The following DLGAP2 variants were observed in gnomAD, a reference collection of about 807,000 sequenced individuals.
DLGAP2 encodes disks large-associated protein 2.
In DLGAP2, 26 loss-of-function variants were observed where a neutral mutation model predicts 100.3. The ratio of observed to expected loss-of-function variants is 0.26; its 90% CI spans 0.19 to 0.36. DLGAP2 has a LOEUF of 0.36. DLGAP2 is among the 10% of genes least tolerant of loss of function. The pLI, the probability that DLGAP2 is intolerant of heterozygous loss-of-function variation, is 1.00. For synonymous variants in DLGAP2, 886 were observed against 630.1 expected (o/e 1.41, Z -6.08); for missense variants, 1,858 against 1,453.2 (o/e 1.28, Z -4.53).
At chr8:1,690,108 G>C (rs1585067259) in intron 12 of DLGAP2, among the ~76,000 whole-genome samples, 1 of 152,142 alleles carries the variant, frequency 6.6e-6, no homozygotes, top group East Asian at 1.9e-4. Context: ...TGTAATCCTT[G>C]GCCTTGGGAG....
At chr8:1,632,786 C>G in intron 7 of DLGAP2, 41 bp from the exon 8 acceptor site, 12 of 1,552,898 alleles carry the variant, frequency 7.7e-6, no homozygotes, top group South Asian at 1.3e-5. Flanking sequence ...GATGGTGACC[C>G]TGGAGGGCCG....
At chr8:936,927 C>T (rs1047147912) in intron 2 of DLGAP2, among the ~76,000 whole-genome samples, 8 of 152,286 alleles carry the variant, frequency 5.3e-5, no homozygotes, top group Admixed American at 3.3e-4. Flanking sequence ...AAGCGCACTG[C>T]GTGACGTCAA....
At chr8:927,006 G>A (rs376467650) in intron 2 of DLGAP2, 19 of 985,140 alleles carry the variant, frequency 1.9e-5, no homozygotes, top group East Asian at 2.3e-4. Context: ...AGGACCCCCC[G>A]CCGAGAAAGA....
At chr8:1,002,043 T>A (rs1232701545) in intron 2 of DLGAP2, 1 of 152,254 alleles carries the variant, frequency 6.6e-6, no homozygotes, top group Non-Finnish European at 1.5e-5. Flanking sequence ...CTGTGCTACC[T>A]GTTTACATAG....
Position 1,390,270 on chromosome 8 carries a change from G to A in DLGAP2, c.107-111096G>A, listed in dbSNP as rs185114933. On this transcript the variant is annotated intron_variant, in intron 3 of 14. Transcript: ENST00000637795. ...TCTCATCTGGGCTTCTCCAGAAGGC[G>A]CAGAAATGTGTCTGTCACCTACACA... is the stretch of plus-strand genomic sequence containing the variant. Among the ~76,000 whole-genome samples, 295 of 152,272 alleles carry A rather than the reference G, an allele frequency of 1.9e-3. 2 individuals carry two copies. In the Middle Eastern group the frequency reaches 0.024, roughly 12 times the overall value.
chr8:791,941 A>G (rs931306128), intron 1 of DLGAP2, among the ~76,000 whole-genome samples: 1 of 152,156 alleles, frequency 6.6e-6, no homozygotes, highest in Non-Finnish European at 1.5e-5. Context: ...TGTGTTTCCT[A>G]AGAATGGGGA....
intron 3 of DLGAP2, among the ~76,000 whole-genome samples, chr8:1,484,766 C>T (rs1357027852): frequency 6.6e-6 from 1 of 152,194 alleles, no homozygotes; most frequent in Non-Finnish European, 1.5e-5. Flanking sequence ...ATCTGAGGGA[C>T]AGAGGTGGTA....
At chr8:908,330 C>T (rs969947849) in intron 2 of DLGAP2, among the ~76,000 whole-genome samples, 29 of 152,112 alleles carry the variant, frequency 1.9e-4, no homozygotes, top group Non-Finnish European at 3.7e-4. Context: ...TTCTTATTGG[C>T]TAGAGAGAAA....
intron 3 of DLGAP2, among the ~76,000 whole-genome samples, chr8:1,279,003 A>T (rs972125503): frequency 6.6e-6 from 1 of 152,258 alleles, no homozygotes; most frequent in Non-Finnish European, 1.5e-5. Flanking sequence ...TATAGAAAAT[A>T]TAAAGAACAT....
chr8:1,300,800 C>A (rs965868170), intron 3 of DLGAP2: 1 of 152,252 alleles, frequency 6.6e-6, no homozygotes, highest in Non-Finnish European at 1.5e-5. Context: ...CCCCTAAAAC[C>A]ACGGTGTGTG....
chr8:1,185,207 T>C (rs1462525581), intron 2 of DLGAP2, among the ~76,000 whole-genome samples: 1 of 152,138 alleles, frequency 6.6e-6, no homozygotes, highest in Non-Finnish European at 1.5e-5. Context: ...TCTCCAGGGC[T>C]CCACAGAAAG....
intron 2 of DLGAP2, among the ~76,000 whole-genome samples, chr8:1,252,956 T>C (rs1283749276): frequency 1.3e-5 from 2 of 152,182 alleles, no homozygotes; most frequent in Non-Finnish European, 2.9e-5. Context: ...ATTAGTGCAA[T>C]TGTCACAGCA....
At chr8:1,423,417 C>T (rs1002634) in intron 3 of DLGAP2, among the ~76,000 whole-genome samples, 2 of 152,208 alleles carry the variant, frequency 1.3e-5, no homozygotes, top group Non-Finnish European at 2.9e-5. Context: ...CCCACCACAT[C>T]CCATAGCCCA....
Position 1,565,962 on chromosome 8 carries a change from C to T in DLGAP2, c.1442+68C>T, listed in dbSNP as rs918709248. ...CTGCCTGCGAGCTCCCTCTCCAAAA[C>T]CACTTCACCGTGAGCTGAGTGCCAT... On this transcript the variant is annotated intron_variant, in intron 6 of 14. Transcript: ENST00000637795. The T allele has an allele frequency of 5.8e-6, 8 of 1,390,726 alleles. No homozygotes were observed. The African/African-American group carries it at 7.2e-5, about 13-fold the overall frequency. The allele number at this position is 1,390,726 out of a possible 1,614,324, so 86.1% of individuals were successfully genotyped here.
intron 2 of DLGAP2, among the ~76,000 whole-genome samples, chr8:1,254,150 T>C (rs1362519268): frequency 6.6e-6 from 1 of 152,148 alleles, no homozygotes; most frequent in Non-Finnish European, 1.5e-5. Flanking sequence ...CGCTGAGGGC[T>C]GGTCACAGAT....
At chr8:839,971 T>C (rs1250056264) in intron 1 of DLGAP2, among the ~76,000 whole-genome samples, 2 of 151,228 alleles carry the variant, frequency 1.3e-5, no homozygotes, top group African/African-American at 4.9e-5. Context: ...CTCTGGATTG[T>C]GTGAGCGCGT....
chr8:796,240 C>T (rs1393472332), intron 1 of DLGAP2, among the ~76,000 whole-genome samples: 3 of 152,164 alleles, frequency 2.0e-5, no homozygotes, highest in Non-Finnish European at 4.4e-5. Context: ...GAATTCACGA[C>T]CGGGCTCCCC....
At chr8:1,160,362 G>A (rs546927777) in intron 2 of DLGAP2, among the ~76,000 whole-genome samples, 4 of 152,106 alleles carry the variant, frequency 2.6e-5, no homozygotes, top group East Asian at 1.9e-4. Flanking sequence ...CCCCAAACTC[G>A]GGGCAAGGAA....
chr8:1,533,135 GA>G (rs58058808), intron 4 of DLGAP2, among the ~76,000 whole-genome samples: 7,021 of 119,550 alleles, frequency 0.059, 397 homozygotes, highest in African/African-American at 0.17. Flanking sequence ...TGATTCTAGG[GA>G]AAAAAAAAAA....
Sources: gnomAD v4.1 joint callset for allele counts (sites outside exome capture counted in the v4.1 genomes callset) on GRCh38, gnomAD v4.1.1 for gene constraint, MANE v1.5 for transcripts, NCBI Gene and HGNC (gene_info 2026-07-23, HGNC 2026-07-21) for gene names.